AGBL4: variants seen among roughly 807,000 people sequenced by gnomAD.
AGBL4 encodes the protein cytosolic carboxypeptidase 6.
In AGBL4, 58 loss-of-function variants were observed where a neutral mutation model predicts 66.4. The observed-to-expected ratio is 0.87, with a 90% CI of 0.71 to 1.09. The LOEUF (loss-of-function observed/expected upper bound fraction) is 1.09, where lower values mean the gene tolerates loss of function less well. Among genes scored for constraint, AGBL4 ranks in the 50% least tolerant of loss-of-function variants. The pLI is 0.00. For missense variants in AGBL4, 579 were observed against 631.0 expected (o/e 0.92, Z 0.88); for synonymous variants, 234 against 222.9 (o/e 1.05, Z -0.44).
intron 1 of AGBL4, among the ~76,000 whole-genome samples, chr1:49,947,443 ACAT>A (rs547045683): frequency 7.4e-4 from 113 of 152,052 alleles, no homozygotes; most frequent in African/African-American, 2.5e-3. Flanking sequence ...AACAAAAATC[ACAT>A]CATCATCTTA....
chr1:48,720,760 C>A (rs537122621), intron 6 of AGBL4, among the ~76,000 whole-genome samples: 1 of 152,118 alleles, frequency 6.6e-6, no homozygotes, highest in African/African-American at 2.4e-5. Context: ...AGTTCACTGA[C>A]AGCCTTGTGA....
At chr1:49,875,345 C>T (rs1646965381) in intron 1 of AGBL4, among the ~76,000 whole-genome samples, 1 of 121,872 alleles carries the variant, frequency 8.2e-6, no homozygotes, top group African/African-American at 3.1e-5. Context: ...TGTGATATTC[C>T]CCTTCCTGTG....
At chr1:48,702,850 A>C (rs1570299200) in intron 6 of AGBL4, among the ~76,000 whole-genome samples, 1 of 152,208 alleles carries the variant, frequency 6.6e-6, no homozygotes, top group East Asian at 1.9e-4. Flanking sequence ...ACCCTGGAGT[A>C]AAACCAACTT....
At chr1:49,138,362 A>C (rs1011343466) in intron 4 of AGBL4, among the ~76,000 whole-genome samples, 1 of 152,172 alleles carries the variant, frequency 6.6e-6, no homozygotes, top group Non-Finnish European at 1.5e-5. Flanking sequence ...CAATAGTACC[A>C]CAACAATCCA....
At chr1:48,847,519 TC>T (rs1646947900) in intron 6 of AGBL4, among the ~76,000 whole-genome samples, 1 of 152,170 alleles carries the variant, frequency 6.6e-6, no homozygotes, top group African/African-American at 2.4e-5. Flanking sequence ...CTTCTTCTTC[TC>T]TAAAATAGGA....
rs1416572233 is a variant in AGBL4, at chr1:49,545,834, T to C, written c.282+151479A>G. 3.3e-5 allele frequency among the ~76,000 whole-genome samples: 5 copies of C among 152,210 alleles called. No homozygotes were observed. The East Asian group carries it at 9.6e-4, about 29-fold the overall frequency. On this transcript the variant is annotated intron_variant, in intron 3 of 13. Coordinates refer to ENST00000371839, the MANE Select transcript of AGBL4 (RefSeq NM_032785.4). ...ACAATAAAGGCTTAGAGGAAATCAA[T>C]TGTAAACACAAATCAAGATATATTA...
intron 8 of AGBL4, among the ~76,000 whole-genome samples, chr1:48,646,787 T>C (rs1645843978): frequency 6.6e-6 from 1 of 152,048 alleles, no homozygotes; most frequent in South Asian, 2.1e-4. Flanking sequence ...GCAAGTTCCG[T>C]GGTAATTATG....
At chr1:49,710,891 A>G (rs1038862585) in intron 2 of AGBL4, among the ~76,000 whole-genome samples, 3 of 151,794 alleles carry the variant, frequency 2.0e-5, no homozygotes, top group African/African-American at 4.8e-5. Flanking sequence ...GCAAAAAATT[A>G]AATTAAAATT....
At chr1:49,191,694 T>C (rs1398045252) in intron 4 of AGBL4, among the ~76,000 whole-genome samples, 1 of 152,198 alleles carries the variant, frequency 6.6e-6, no homozygotes, top group Non-Finnish European at 1.5e-5. Context: ...CTCCCACTTA[T>C]AAGTGAGAAC....
At chr1:49,972,012 C>T (rs1015954354) in intron 1 of AGBL4, among the ~76,000 whole-genome samples, 12 of 144,444 alleles carry the variant, frequency 8.3e-5, no homozygotes, top group Admixed American at 5.0e-4. Flanking sequence ...CTGCCTCCTA[C>T]GTTCACGCCA....
At chr1:49,542,896 C>CAAAAAAAA (rs35734647) in intron 3 of AGBL4, among the ~76,000 whole-genome samples, 2 of 22,890 alleles carry the variant, frequency 8.7e-5, no homozygotes, top group Non-Finnish European at 1.4e-4. Context: ...AAGACTCCAT[C>CAAAAAAAA]AAAAAAAAAA....
At chr1:48,859,663 A>G (rs1034821148) in intron 6 of AGBL4, among the ~76,000 whole-genome samples, 1 of 152,260 alleles carries the variant, frequency 6.6e-6, no homozygotes, top group Non-Finnish European at 1.5e-5. Context: ...AACTGGCTGC[A>G]GTCCAAAAGG....
At chr1:49,099,387 G>A (rs1370369758) in intron 4 of AGBL4, among the ~76,000 whole-genome samples, 1 of 152,150 alleles carries the variant, frequency 6.6e-6, no homozygotes, top group East Asian at 1.9e-4. Flanking sequence ...GTCATGAAGT[G>A]TAAATCTGGA....
intron 1 of AGBL4, among the ~76,000 whole-genome samples, chr1:49,963,140 C>T (rs1422234269): frequency 1.3e-5 from 2 of 152,054 alleles, no homozygotes; most frequent in African/African-American, 2.4e-5. Flanking sequence ...ATGGGTCAGA[C>T]TATAACAAGT....
At chr1:48,535,290 C>G (rs1643951225) in intron 12 of AGBL4, among the ~76,000 whole-genome samples, 1 of 152,132 alleles carries the variant, frequency 6.6e-6, no homozygotes, top group Non-Finnish European at 1.5e-5. Flanking sequence ...GAGGCTGTTT[C>G]CTTCCCTACC....
chr1:49,371,490 G>C (rs1447796521), intron 3 of AGBL4, among the ~76,000 whole-genome samples: 1 of 152,002 alleles, frequency 6.6e-6, no homozygotes, highest in Admixed American at 6.6e-5. Context: ...ACTATTTTTA[G>C]TCTTTTTTAG....
intron 7 of AGBL4, among the ~76,000 whole-genome samples, chr1:48,655,704 T>A (rs533798548): frequency 6.6e-6 from 1 of 152,282 alleles, no homozygotes; most frequent in Non-Finnish European, 1.5e-5. Flanking sequence ...AAAACAGGAT[T>A]AGTTTTAGAA....
chr1:48,556,282 C>T (rs1000484499), intron 11 of AGBL4, among the ~76,000 whole-genome samples: 2 of 152,208 alleles, frequency 1.3e-5, no homozygotes, highest in African/African-American at 4.8e-5. Flanking sequence ...CTTTTCCTTT[C>T]TCTTCCATTC....
chr1:49,048,687 T>C (rs1437621268), intron 4 of AGBL4, among the ~76,000 whole-genome samples: 1 of 152,162 alleles, frequency 6.6e-6, no homozygotes, highest in African/African-American at 2.4e-5. Context: ...TTGTTTATTA[T>C]GTCTCAGACA....
Sources: allele counts gnomAD v4.1 joint callset (sites outside exome capture counted in the v4.1 genomes callset), GRCh38; gene constraint gnomAD v4.1.1; transcripts MANE v1.5; gene names NCBI Gene and HGNC (gene_info 2026-07-23, HGNC 2026-07-21).